Variants in PCDH9 observed in about 807,000 individuals in gnomAD.
PCDH9 encodes protocadherin 9, also known as protocadherin-9.
In PCDH9, 24 loss-of-function variants were observed where a neutral mutation model predicts 70.6. The observed-to-expected ratio is 0.34, with a 90% CI of 0.25 to 0.48. The LOEUF is 0.48. Among genes scored for constraint, PCDH9 ranks in the 20% least tolerant of loss-of-function variants. PCDH9 has a pLI of 0.99. For synonymous variants in PCDH9, 562 were observed against 558.5 expected (o/e 1.01, Z -0.09); for missense variants, 1,281 against 1,503.6 (o/e 0.85, Z 2.45).
At chr13:66,524,163 T>C (rs1278568841) in intron 4 of PCDH9, among the ~76,000 whole-genome samples, 1 of 152,112 alleles carries the variant, frequency 6.6e-6, no homozygotes, top group Non-Finnish European at 1.5e-5. Context: ...TTTGCAAGAA[T>C]TATTTAGTTA....
intron 4 of PCDH9, among the ~76,000 whole-genome samples, chr13:66,424,307 A>C (rs886159227): frequency 6.6e-6 from 1 of 152,160 alleles, no homozygotes; most frequent in Non-Finnish European, 1.5e-5. Flanking sequence ...GACTTTCTTC[A>C]CATAATGATC....
intron 3 of PCDH9, among the ~76,000 whole-genome samples, chr13:66,769,559 A>G (rs9285255): frequency 0.5 from 76,458 of 151,606 alleles, 21,576 homozygotes; most frequent in Middle Eastern, 0.65. Flanking sequence ...AATTCTATCA[A>G]CCGAAATATG....
At chr13:66,633,981 T>C (rs2077605102) in intron 3 of PCDH9, among the ~76,000 whole-genome samples, 1 of 152,166 alleles carries the variant, frequency 6.6e-6, no homozygotes, top group Non-Finnish European at 1.5e-5. Flanking sequence ...AAAGAAAAAC[T>C]AAAACATTGT....
At chr13:66,581,920 A>G (rs556910678) in intron 4 of PCDH9, among the ~76,000 whole-genome samples, 1 of 152,186 alleles carries the variant, frequency 6.6e-6, no homozygotes, top group South Asian at 2.1e-4. Context: ...ATGACTATTC[A>G]TATGGATATG....
chr13:66,447,132 C>A (rs559857203), intron 4 of PCDH9, among the ~76,000 whole-genome samples: 1 of 151,886 alleles, frequency 6.6e-6, no homozygotes, highest in African/African-American at 2.4e-5. Context: ...TATTTACGGT[C>A]GGAAATATTT....
chr13:66,891,193 T>C (rs2139566620), intron 3 of PCDH9, among the ~76,000 whole-genome samples: 2 of 152,260 alleles, frequency 1.3e-5, no homozygotes, highest in Middle Eastern at 6.8e-3. Context: ...CATTTGTTTA[T>C]GTATTTTTCC....
intron 4 of PCDH9, among the ~76,000 whole-genome samples, chr13:66,571,850 G>A (rs988120821): frequency 3.3e-5 from 5 of 151,932 alleles, no homozygotes; most frequent in African/African-American, 9.7e-5. Flanking sequence ...TTTTGGCTGG[G>A]TTTTGGATAT....
rs1264719663 is a variant in PCDH9, at chr13:66,700,917, CATATAAATATATATATAT to C, written c.3139-69524_3139-69507del. On this transcript the variant is annotated intron_variant, in intron 3 of 4. Coordinates refer to ENST00000377865, the MANE Select transcript of PCDH9 (RefSeq NM_203487.3). ...ATATATATGAAAATATATGTGTGTA[CATATAAATATATATATAT>C]ATATATATATATATATATATATATA... Among the ~76,000 whole-genome samples, 248 of 51,772 alleles carry C rather than the reference CATATAAATATATATATAT, an allele frequency of 4.8e-3. 8 individuals are homozygous for C. The highest frequency in any genetic ancestry group is 0.013 in the African/African-American group (211 of 16,098). 34.0% of individuals were successfully genotyped at this position (51,772 alleles called of 152,430 possible).
At chr13:66,451,888 G>C (rs535822340) in intron 4 of PCDH9, among the ~76,000 whole-genome samples, 4 of 152,284 alleles carry the variant, frequency 2.6e-5, no homozygotes, top group Non-Finnish European at 5.9e-5. Context: ...ACAATTCAAA[G>C]ATAACAATGG....
At chr13:67,157,115 T>C (rs964199675) in intron 2 of PCDH9, among the ~76,000 whole-genome samples, 2 of 152,224 alleles carry the variant, frequency 1.3e-5, no homozygotes, top group African/African-American at 4.8e-5. Context: ...GATGCTTCGA[T>C]CAATGCCTAA....
intron 3 of PCDH9, among the ~76,000 whole-genome samples, chr13:66,652,004 G>GTACCGCAA (rs1003470350): frequency 6.6e-6 from 1 of 151,888 alleles, no homozygotes; most frequent in Non-Finnish European, 1.5e-5. Flanking sequence ...GAGAAATAAC[G>GTACCGCAA]TACCGCAATA....
intron 3 of PCDH9, among the ~76,000 whole-genome samples, chr13:66,670,489 T>G (rs1263632067): frequency 6.6e-6 from 1 of 152,182 alleles, no homozygotes; most frequent in Non-Finnish European, 1.5e-5. Context: ...ATCCTAAAAT[T>G]TAAAGAGGCA....
intron 2 of PCDH9, among the ~76,000 whole-genome samples, chr13:67,176,863 T>A (rs2088475375): frequency 1.3e-5 from 2 of 152,106 alleles, no homozygotes; most frequent in Non-Finnish European, 2.9e-5. Context: ...AAAGGTAGTA[T>A]GCCTGTGATC....
intron 3 of PCDH9, among the ~76,000 whole-genome samples, chr13:66,720,119 T>G (rs1308246326): frequency 6.6e-6 from 1 of 152,062 alleles, no homozygotes; most frequent in South Asian, 2.1e-4. Flanking sequence ...GTATTTAACT[T>G]AGGACCATTT....
At position 66,465,325 on chromosome 13, in the gene PCDH9, C is replaced by CA. The variant is rs1029782789; in HGVS notation, c.3341-160298dup. ...ATTTACATATAGAAATTTTGAGGGT[C>CA]AAAAAAAATGGATTAGAAATCATTT... On this transcript the variant is annotated intron_variant, in intron 4 of 4. Transcript: ENST00000377865. 3.0e-4 allele frequency among the ~76,000 whole-genome samples: 45 copies of CA among 150,730 alleles called. 2 individuals are homozygous for CA. Among genetic ancestry groups the CA allele is most frequent in the Non-Finnish European group, 8.9e-5 (6 of 67,528 alleles).
intron 3 of PCDH9, among the ~76,000 whole-genome samples, chr13:66,708,240 G>T (rs1236484894): frequency 2.6e-5 from 4 of 151,084 alleles, no homozygotes; most frequent in Admixed American, 2.6e-4. Flanking sequence ...TAGTAGAGAC[G>T]GGGTTTCACC....
At chr13:67,216,246 T>A (rs1053041353) in intron 2 of PCDH9, 10 of 152,190 alleles carry the variant, frequency 6.6e-5, no homozygotes, top group African/African-American at 2.2e-4. Flanking sequence ...TAAAAATCAA[T>A]CAATGAATTC....
At chr13:67,095,024 C>T (rs1352920242) in intron 2 of PCDH9, among the ~76,000 whole-genome samples, 1 of 152,060 alleles carries the variant, frequency 6.6e-6, no homozygotes, top group Non-Finnish European at 1.5e-5. Context: ...TTTGGCTCTC[C>T]TTATGACATA....
chr13:66,891,032 G>A lies in PCDH9; in HGVS notation c.3138+12472C>T, dbSNP rs372468740. Among the ~76,000 whole-genome samples the A allele has an allele frequency of 2.3e-4, 35 of 151,946 alleles. 1 individual carries two copies. The highest frequency in any genetic ancestry group is 9.8e-4 in the Admixed American group (15 of 15,230). On this transcript the variant is annotated intron_variant, in intron 3 of 4. Transcript: ENST00000377865. ...ATCACTTTGCCTTTTCCAGAATGTC[G>A]CAGAAATAAAATCATGCAGCATATA... is the stretch of plus-strand genomic sequence containing the variant.
Sources: allele counts gnomAD v4.1 joint callset (sites outside exome capture counted in the v4.1 genomes callset), GRCh38; gene constraint gnomAD v4.1.1; transcripts MANE v1.5; gene names NCBI Gene and HGNC (gene_info 2026-07-23, HGNC 2026-07-21).